Variants in PHEX observed in about 807,000 individuals in gnomAD.
PHEX encodes phosphate-regulating neutral endopeptidase PHEX.
In PHEX, 16 loss-of-function variants were observed where a neutral mutation model predicts 68.0. That is an observed-to-expected ratio of 0.24 (90% CI 0.16 to 0.36). PHEX has a LOEUF of 0.36. Among genes scored for constraint, PHEX ranks in the 10% least tolerant of loss-of-function variants. The pLI is 1.00. For synonymous variants in PHEX, 208 were observed against 205.1 expected (o/e 1.01, Z -0.12); for missense variants, 480 against 575.5 (o/e 0.83, Z 1.70).
Position 22,168,281 on chromosome X carries a change from C to CT in PHEX, c.1405-30dup, listed in dbSNP as rs759377533. The CT allele has an allele frequency of 4.5e-5, 47 of 1,049,519 alleles. No homozygotes were observed. The East Asian group carries it at 1.2e-3, about 26-fold the overall frequency. 86.5% of individuals were successfully genotyped at this position (1,049,519 alleles called of 1,213,427 possible). On this transcript the variant is annotated intron_variant, in intron 12 of 21. Coordinates refer to ENST00000379374, the MANE Select transcript of PHEX (RefSeq NM_000444.6). The stretch of plus-strand genomic sequence containing the variant: ...TATTAATGATTTAAGTGCTGAAACT[C>CT]TGACATTATTTTTCTTTTTCCTTTT...
rs768682254 is a variant in PHEX, at chrX:22,107,595, C to T, written c.1080-3872C>T. Among the ~76,000 whole-genome samples, 76 of 111,795 alleles carry T rather than the reference C, an allele frequency of 6.8e-4. 1 individual carries two copies. The highest frequency in any genetic ancestry group is 8.5e-4 in the Non-Finnish European group (45 of 53,132). On this transcript the variant is annotated intron_variant, in intron 9 of 21. Coordinates refer to ENST00000379374, the MANE Select transcript of PHEX (RefSeq NM_000444.6). ...TCACCATCCTCTCCAACATATCAGC[C>T]GATTCCACCATTATTTAGCCTGTCC...
At chrX:22,048,406 A>T (rs1198711502) in intron 3 of PHEX, among the ~76,000 whole-genome samples, 2 of 111,236 alleles carry the variant, frequency 1.8e-5, no homozygotes, top group African/African-American at 3.3e-5. Context: ...TTGGTCTTTG[A>T]TTTACCATTC....
intron 3 of PHEX, among the ~76,000 whole-genome samples, chrX:22,055,220 C>A (rs1206987894): frequency 8.8e-5 from 4 of 45,433 alleles, no homozygotes; most frequent in African/African-American, 2.8e-4. Context: ...AAAAAACAGA[C>A]CTAGTGCTAG....
At chrX:22,054,310 T>G (rs923112062) in intron 3 of PHEX, among the ~76,000 whole-genome samples, 2 of 110,701 alleles carry the variant, frequency 1.8e-5, no homozygotes, top group Non-Finnish European at 3.8e-5. Flanking sequence ...AATTTTTGTA[T>G]TTTTAGTAGA....
At chrX:22,092,471 C>G (rs1456464167) in intron 6 of PHEX, among the ~76,000 whole-genome samples, 3 of 110,977 alleles carry the variant, frequency 2.7e-5, no homozygotes, top group Admixed American at 9.6e-5. Context: ...CTCCTGGATT[C>G]AAGTGATTCT....
intron 11 of PHEX, among the ~76,000 whole-genome samples, chrX:22,116,649 A>G (rs755814354): frequency 1.1e-4 from 12 of 111,591 alleles, no homozygotes; most frequent in Admixed American, 3.8e-4. Flanking sequence ...TATGCACTGA[A>G]GTTTGCTTTG....
chrX:22,095,975 G>A lies in PHEX; in HGVS notation c.850-980G>A, dbSNP rs925720211. Among the ~76,000 whole-genome samples the A allele has an allele frequency of 1.2e-4, 13 of 111,701 alleles. No individual in the cohort carries two copies. The Admixed American group carries it at 1.2e-3, about 11-fold the overall frequency. On this transcript the variant is annotated intron_variant, in intron 7 of 21. Transcript: ENST00000379374. ...AAGGAGAGGTTTTATTGATGGAGTA[G>A]CCCTTGTGATTGGAACCAAGTGGAG...
chrX:22,073,885 G>A (rs1929028201), intron 3 of PHEX, among the ~76,000 whole-genome samples: 1 of 110,289 alleles, frequency 9.1e-6, no homozygotes, highest in Admixed American at 9.7e-5. Flanking sequence ...TGATCTGCCC[G>A]CCTCGGCCTC....
At chrX:22,215,923 G>A (rs1365256009) in intron 16 of PHEX, among the ~76,000 whole-genome samples, 2 of 111,588 alleles carry the variant, frequency 1.8e-5, no homozygotes, top group African/African-American at 6.5e-5. Flanking sequence ...GTGGTAGAAC[G>A]ACTTATTATA....
chrX:22,114,896 G>C (rs1307012173), intron 11 of PHEX, among the ~76,000 whole-genome samples: 8 of 111,318 alleles, frequency 7.2e-5, no homozygotes, highest in Admixed American at 5.7e-4. Context: ...TGAGGTTTGA[G>C]GTATTGAATT....
At chrX:22,225,921 A>C (rs1358582943) in intron 18 of PHEX, among the ~76,000 whole-genome samples, 1 of 111,885 alleles carries the variant, frequency 8.9e-6, no homozygotes. Flanking sequence ...GATCTGCACT[A>C]CTTCTGTTTG....
chrX:22,180,229 C>A (rs948974427), intron 14 of PHEX, among the ~76,000 whole-genome samples: 5 of 110,910 alleles, frequency 4.5e-5, no homozygotes, highest in African/African-American at 1.6e-4. Flanking sequence ...GGCTTCTACC[C>A]TCTGCCAGTT....
At chrX:22,041,265 C>CTATATATA (rs556410356) in intron 2 of PHEX, among the ~76,000 whole-genome samples, 16 of 72,815 alleles carry the variant, frequency 2.2e-4, no homozygotes, top group East Asian at 4.3e-4. Context: ...CTCTCTCTCT[C>CTATATATA]TATATATATA....
intron 5 of PHEX, among the ~76,000 whole-genome samples, chrX:22,088,485 T>A (rs1006092552): frequency 9.0e-6 from 1 of 111,675 alleles, no homozygotes; most frequent in African/African-American, 3.3e-5. Flanking sequence ...GTCAGATTTT[T>A]TTTTCCATTT....
At chrX:22,238,972 G>C (rs1191454922) in intron 20 of PHEX, among the ~76,000 whole-genome samples, 1 of 111,724 alleles carries the variant, frequency 9.0e-6, no homozygotes, top group Non-Finnish European at 1.9e-5. Flanking sequence ...TCTCATACAG[G>C]AGAGCTCTCA....
intron 9 of PHEX, among the ~76,000 whole-genome samples, chrX:22,104,312 A>G (rs1351583308): frequency 9.0e-6 from 1 of 110,624 alleles, no homozygotes; most frequent in East Asian, 2.9e-4. Flanking sequence ...AATTAGAGCA[A>G]TGAGATCCTC....
chrX:22,097,721 G>A, intron 8 of PHEX: 1 of 725,760 alleles, frequency 1.4e-6, no homozygotes, highest in Non-Finnish European at 1.6e-6. Flanking sequence ...GGTGTTTTAG[G>A]TAGGATAGGG....
At chrX:22,054,092 A>G (rs1257198310) in intron 3 of PHEX, among the ~76,000 whole-genome samples, 2 of 112,250 alleles carry the variant, frequency 1.8e-5, no homozygotes, top group Non-Finnish European at 1.9e-5. Context: ...TTGTATGTAT[A>G]GTAGAGCTTT....
chrX:22,133,446 C>G lies in PHEX; in HGVS notation c.1303-77C>G, dbSNP rs192225326. The G allele has an allele frequency of 3.1e-5, 23 of 752,182 alleles. No individual in the cohort carries two copies. In the African/African-American group the frequency reaches 4.1e-4, roughly 14 times the overall value. The allele number at this position is 752,182 out of a possible 1,213,427, so 62.0% of individuals were successfully genotyped here. A position where few individuals can be genotyped will look rare whatever the true frequency, so the allele number is the denominator to read the frequency against. ...GTTGAGTAAAGAGTCATTTCTCATGCAAGCCAATTTTGTTCCAGAAAACCT... is the reference window on the plus strand; with the variant it reads ...GTTGAGTAAAGAGTCATTTCTCATGGAAGCCAATTTTGTTCCAGAAAACCT... On this transcript the variant is annotated intron_variant, in intron 11 of 21. Transcript: ENST00000379374.
Sources: allele counts gnomAD v4.1 joint callset (sites outside exome capture counted in the v4.1 genomes callset), GRCh38; gene constraint gnomAD v4.1.1; transcripts MANE v1.5; gene names NCBI Gene and HGNC (gene_info 2026-07-23, HGNC 2026-07-21).